The following SARDH variants were observed in gnomAD, a reference collection of about 807,000 sequenced individuals.
The protein encoded by SARDH is sarcosine dehydrogenase, also known as sarcosine dehydrogenase, mitochondrial.
In SARDH, 95 loss-of-function variants were observed where a neutral mutation model predicts 109.1. The observed-to-expected ratio is 0.87, with a 90% CI of 0.74 to 1.03. The LOEUF is 1.03. Among genes scored for constraint, SARDH ranks in the 50% least tolerant of loss-of-function variants. The pLI, the probability that SARDH is intolerant of heterozygous loss-of-function variation, is 0.00. For missense variants in SARDH, 1,267 were observed against 1,287.8 expected, an observed-to-expected ratio of 0.98 and a Z score of 0.25; for synonymous variants, 572 against 534.8, an observed-to-expected ratio of 1.07 and a Z score of -0.96.
At chr9:133,700,279 T>C (rs1022025222) in intron 13 of SARDH, among the ~76,000 whole-genome samples, 4 of 151,840 alleles carry the variant, frequency 2.6e-5, no homozygotes, top group East Asian at 1.9e-4. Flanking sequence ...GTGAGCCGAA[T>C]TGCACCCCTG....
chr9:133,660,075 C>A (rs1393026584), downstream of SARDH, among the ~76,000 whole-genome samples: 1 of 148,282 alleles, frequency 6.7e-6, no homozygotes, highest in Non-Finnish European at 1.5e-5. Flanking sequence ...TCACCCCCCA[C>A]TCACACTCTT....
intron 19 of SARDH, 49 bp downstream of exon 19, chr9:133,670,535 G>A (rs1358180253): frequency 6.5e-7 from 1 of 1,539,232 alleles, no homozygotes; most frequent in Non-Finnish European, 8.8e-7. Context: ...TGCCTGCCCT[G>A]GCTGTAGGCA....
Position 133,712,008 on chromosome 9 carries a change from G to A in SARDH, c.1328+611C>T, listed in dbSNP as rs916687546. Among the ~76,000 whole-genome samples, 12 of 152,322 alleles carry A rather than the reference G, an allele frequency of 7.9e-5. No homozygotes were observed. The highest frequency in any genetic ancestry group is 2.2e-4 in the African/African-American group (9 of 41,582). On this transcript the variant is annotated intron_variant, in intron 10 of 20. Transcript: ENST00000439388. This position sits in a 1 kb window ranked among gnomAD's most constrained non-coding sequence, Gnocchi z 4.1. The stretch of plus-strand genomic sequence containing the variant: ...CAGAAGGCCATCGGGATAGGCTGCC[G>A]TCACCGGCTCTGGCCACCAGCACCC...
chr9:133,667,067 C>T lies in SARDH; in HGVS notation c.2496-197G>A, dbSNP rs148418882. ...GGCCTGGACAGCAGGGCTCGGGCTT[C>T]GAGTGAGTAAAAGGGATGAATAGAA... is the stretch of plus-strand genomic sequence containing the variant. On this transcript the variant is annotated intron_variant, in intron 19 of 20. Coordinates refer to ENST00000439388, the MANE Select transcript of SARDH (RefSeq NM_001134707.2). The T allele has an allele frequency of 9.1e-3, 5,894 of 647,416 alleles. 82 individuals are homozygous for T. The highest frequency in any genetic ancestry group is 0.031 in the South Asian group (1,654 of 53,854). The allele number at this position is 647,416 out of a possible 1,614,324, so 40.1% of individuals were successfully genotyped here.
chr9:133,722,640 GCGCTCTCT>G (rs1421980611), intron 6 of SARDH, among the ~76,000 whole-genome samples: 5 of 98,898 alleles, frequency 5.1e-5, no homozygotes, highest in East Asian at 7.2e-4. Flanking sequence ...AAAACTACTA[GCGCTCTCT>G]CTCTCTCTCT....
At chr9:133,662,729 T>G (rs939452540), downstream of SARDH, among the ~76,000 whole-genome samples, 2 of 152,204 alleles carry the variant, frequency 1.3e-5, no homozygotes, top group Admixed American at 1.3e-4. This position sits in a 1 kb window ranked among gnomAD's most constrained non-coding sequence, Gnocchi z 5.1. Context: ...GCTGTGTGTG[T>G]GGCTCTGTGG....
chr9:133,671,639 T>A lies in SARDH; in HGVS notation c.2222A>T (p.Lys741Met). ...CCGGTACACAGGCACGCAGGACGCCTTTGGAATGTGCAGCTCCCAGCCCAG... is the reference window on the plus strand; with the variant it reads ...CCGGTACACAGGCACGCAGGACGCCATTGGAATGTGCAGCTCCCAGCCCAG... ...GELGWELHIP[K>M]ASCVPVYRAV... The change falls in exon 18 of 21, where the codon AAG (lysine) becomes ATG (methionine). Residue 741 changes from lysine (K) to methionine (M), a missense_variant. Transcript: ENST00000439388. The A allele has an allele frequency of 6.3e-7, 1 of 1,597,674 alleles. No homozygotes were observed. Among genetic ancestry groups the A allele is most frequent in the Non-Finnish European group, 8.5e-7 (1 of 1,172,736 alleles).
At chr9:133,739,278 G>A (rs547121177), upstream of SARDH, among the ~76,000 whole-genome samples, 5 of 152,290 alleles carry the variant, frequency 3.3e-5, no homozygotes, top group South Asian at 2.1e-4. Flanking sequence ...TGCCAATACC[G>A]GAAGCGATCG....
chr9:133,702,734 G>C (rs1315196545), intron 13 of SARDH, among the ~76,000 whole-genome samples, 182 bp downstream of exon 13: 1 of 152,152 alleles, frequency 6.6e-6, no homozygotes, highest in South Asian at 2.1e-4. Context: ...GAGGGAGGAG[G>C]GGGAGAGGAA....
chr9:133,677,582 C>T (rs1028742899), intron 17 of SARDH, among the ~76,000 whole-genome samples: 1 of 152,180 alleles, frequency 6.6e-6, no homozygotes, highest in Non-Finnish European at 1.5e-5. Context: ...ACTAATCAGT[C>T]CCCTGGAGTG....
intron 1 of SARDH, among the ~76,000 whole-genome samples, chr9:133,737,646 C>T (rs558320523): frequency 1.2e-4 from 19 of 152,298 alleles, no homozygotes; most frequent in African/African-American, 4.3e-4. Context: ...GCCCAAAAAG[C>T]GACAGCTGCT....
At chr9:133,682,988 A>G (rs891939079) in intron 17 of SARDH, among the ~76,000 whole-genome samples, 2 of 152,246 alleles carry the variant, frequency 1.3e-5, no homozygotes, top group African/African-American at 4.8e-5. Flanking sequence ...TTTTACACCA[A>G]TGAGCAGGAG....
At chr9:133,661,680 C>T (rs1832417260), downstream of SARDH, among the ~76,000 whole-genome samples, 1 of 151,982 alleles carries the variant, frequency 6.6e-6, no homozygotes, top group Admixed American at 6.6e-5. Context: ...GAGACTTCAC[C>T]ATATTGGTCA....
chr9:133,671,757 G>A (rs886186834), intron 17 of SARDH, 60 bp from the exon 18 acceptor site: 5 of 1,507,070 alleles, frequency 3.3e-6, no homozygotes, highest in African/African-American at 1.4e-5. Context: ...TCCAGGCCCA[G>A]GCCACCACTT....
rs190333169 is a variant in SARDH, at chr9:133,734,767, G to A, written c.-30-564C>T. On this transcript the variant is annotated intron_variant, in intron 1 of 20. Coordinates refer to ENST00000439388, the MANE Select transcript of SARDH (RefSeq NM_001134707.2). ...CCAATAGCTGGAAAGGAGGGGCTCCGGTCTCAGGGACACTCACCCCCAGAT... is the reference window on the plus strand; with the variant it reads ...CCAATAGCTGGAAAGGAGGGGCTCCAGTCTCAGGGACACTCACCCCCAGAT... Among the ~76,000 whole-genome samples, 21 of 152,318 alleles carry A rather than the reference G, an allele frequency of 1.4e-4. 2 individuals are homozygous for A. The highest frequency in any genetic ancestry group is 1.2e-3 in the Admixed American group (18 of 15,308).
rs145736054 is a variant in SARDH at position 133,663,699 on chromosome 9, G to A, written c.*190C>T. ...GGGGTGGATTAGAGACTGCCTTCCA[G>A]TCAGTGACCACAGGATGGGCCATCT... On this transcript the variant is annotated 3_prime_UTR_variant, in exon 21 of 21. Transcript: ENST00000439388. 11 of 747,262 alleles carry A rather than the reference G, an allele frequency of 1.5e-5. 1 individual carries two copies. The highest frequency in any genetic ancestry group is 8.2e-4 in the Middle Eastern group (2 of 2,450). 46.3% of individuals were successfully genotyped at this position (747,262 alleles called of 1,614,324 possible).
At chr9:133,682,504 T>C (rs1830731282) in intron 17 of SARDH, among the ~76,000 whole-genome samples, 1 of 152,346 alleles carries the variant, frequency 6.6e-6, no homozygotes, top group East Asian at 1.9e-4. Flanking sequence ...CTGACCACCA[T>C]GTCCCAGCCA....
intron 17 of SARDH, among the ~76,000 whole-genome samples, chr9:133,672,196 T>C (rs1377144095): frequency 6.6e-6 from 1 of 152,156 alleles, no homozygotes; most frequent in African/African-American, 2.4e-5. Context: ...ACCACTGCGA[T>C]TTCTGCCTCA....
chr9:133,689,310 C>T (rs1831008118), intron 16 of SARDH, among the ~76,000 whole-genome samples: 1 of 152,082 alleles, frequency 6.6e-6, no homozygotes, highest in Admixed American at 6.5e-5. Context: ...CATCTCGTGC[C>T]TCTTCCTCCT....
Sources: allele counts gnomAD v4.1 joint callset (sites outside exome capture counted in the v4.1 genomes callset), GRCh38; gene constraint gnomAD v4.1.1; non-coding constraint Gnocchi (gnomAD v3.1); transcripts MANE v1.5; gene names NCBI Gene and HGNC (gene_info 2026-07-23, HGNC 2026-07-21).